The following MIOS variants were observed in gnomAD, a reference collection of about 807,000 sequenced individuals.
MIOS encodes GATOR2 complex protein MIOS.
In MIOS, 52 loss-of-function variants were observed where a neutral mutation model predicts 96.9. The observed-to-expected ratio is 0.54, with a 90% CI of 0.43 to 0.68. The LOEUF is 0.68. MIOS is among the 30% of genes least tolerant of loss of function. The probability of loss-of-function intolerance (pLI) is 0.00; values close to 1 mark genes in which losing one functional copy is unlikely to be tolerated. For synonymous variants in MIOS, 397 were observed against 359.5 expected, an observed-to-expected ratio of 1.10 and a Z score of -1.18; for missense variants, 1,005 against 1,052.8, an observed-to-expected ratio of 0.95 and a Z score of 0.63.
At chr7:7,602,951 G>C (rs1463277794) in intron 11 of MIOS, among the ~76,000 whole-genome samples, 114 of 152,050 alleles carry the variant, frequency 7.5e-4, no homozygotes, top group African/African-American at 2.5e-3. Flanking sequence ...ACAAACCTGA[G>C]AAAAACAAGC....
At chr7:7,589,625 G>A (rs866288254) in intron 9 of MIOS, 62 bp downstream of exon 9, 2 of 1,526,816 alleles carry the variant, frequency 1.3e-6, no homozygotes, top group African/African-American at 1.4e-5. Flanking sequence ...TCTTTCCTCA[G>A]TTGAAAGTAA....
chr7:7,572,187 C>A lies in MIOS; in HGVS notation c.-40-249C>A, dbSNP rs1234307187. Reference sequence around the variant, plus strand: ...TAACAGTGCAATTAAGATAATTGATCATGGGAAATATAGCCAGGATGGGAT... The same window carrying A: ...TAACAGTGCAATTAAGATAATTGATAATGGGAAATATAGCCAGGATGGGAT... On this transcript the variant is annotated intron_variant, in intron 3 of 12. Coordinates refer to ENST00000340080, the MANE Select transcript of MIOS (RefSeq NM_019005.4). This position sits in a 1 kb window ranked among gnomAD's most constrained non-coding sequence, Gnocchi z 4.8. Among the ~76,000 whole-genome samples, 1 of 152,158 alleles carries A rather than the reference C, an allele frequency of 6.6e-6. No individual in the cohort carries two copies. Among genetic ancestry groups the A allele is most frequent in the Admixed American group, 6.5e-5 (1 of 15,268 alleles).
chr7:7,569,026 A>G (rs1002011577), intron 3 of MIOS, among the ~76,000 whole-genome samples: 1 of 152,180 alleles, frequency 6.6e-6, no homozygotes, highest in Non-Finnish European at 1.5e-5. Context: ...CTTACCATAG[A>G]CCATTGGTAT....
At chr7:7,578,797 A>AC (rs1783618965) in intron 5 of MIOS, among the ~76,000 whole-genome samples, 1 of 151,128 alleles carries the variant, frequency 6.6e-6, no homozygotes. Flanking sequence ...TGCAACTTCC[A>AC]CCTCCTGGGT....
chr7:7,596,540 C>T (rs1784208101), intron 11 of MIOS, 79 bp downstream of exon 11: 1 of 1,328,754 alleles, frequency 7.5e-7, no homozygotes, highest in Non-Finnish European at 1.1e-6. Context: ...AAATAAAATA[C>T]AAACTAGCTA....
chr7:7,585,891 G>A (rs1049430969), intron 7 of MIOS, 86 bp downstream of exon 7: 2 of 1,203,620 alleles, frequency 1.7e-6, no homozygotes. Flanking sequence ...AATGTCTGTT[G>A]CATAAAATAT....
intron 11 of MIOS, 24 bp from the exon 12 acceptor site, chr7:7,605,914 TAATG>T (rs779923299): frequency 9.4e-6 from 15 of 1,600,012 alleles, no homozygotes; most frequent in African/African-American, 4.0e-5. Flanking sequence ...ATGATATAGT[TAATG>T]AAGATCATTT....
In MIOS at chr7:7,590,441, G is replaced by C. The variant is rs1157348736; in HGVS notation, c.2043+878G>C. Among the ~76,000 whole-genome samples, 4 of 152,292 alleles carry C rather than the reference G, an allele frequency of 2.6e-5. No individual in the cohort carries two copies. The East Asian group carries it at 7.7e-4, about 29-fold the overall frequency. The stretch of plus-strand genomic sequence containing the variant: ...GTAGATGGCTACAGAGTGCAAATGA[G>C]TTAGTAACTTCTTACCAAGATTTAT... On this transcript the variant is annotated intron_variant, in intron 9 of 12. Coordinates refer to ENST00000340080, the MANE Select transcript of MIOS (RefSeq NM_019005.4).
At chr7:7,600,448 C>T (rs1350571786) in intron 11 of MIOS, among the ~76,000 whole-genome samples, 11 of 152,048 alleles carry the variant, frequency 7.2e-5, no homozygotes, top group African/African-American at 2.7e-4. Flanking sequence ...AGAGTTTAAA[C>T]CAACAAAGAT....
At position 7,573,580 on chromosome 7, in the gene MIOS, G is replaced by A. The variant is rs1350116030; in HGVS notation, c.1105G>A (p.Ala369Thr). 2 of 1,613,960 alleles carry A rather than the reference G, an allele frequency of 1.2e-6. No individual in the cohort carries two copies. Among genetic ancestry groups the A allele is most frequent in the Non-Finnish European group, 1.7e-6 (2 of 1,179,962 alleles). The change falls in exon 4 of 13, where the codon GCT becomes ACT. Residue 369 changes from alanine (A) to threonine (T), a missense_variant. This residue lies in a region of MIOS where 865 missense variants were observed against 887.9 expected (regional missense o/e 0.97). Transcript: ENST00000340080. This position sits in a 1 kb window ranked among gnomAD's most constrained non-coding sequence, Gnocchi z 5.0. ...AWSPITSLMW[A>T]CGRHLYECTE... is the part of the protein sequence containing the mutation. ...GAGCCCAATTACATCTTTAATGTGG[G>A]CTTGTGGTCGTCATTTATATGAATG... is the stretch of plus-strand genomic sequence containing the variant.
intron 5 of MIOS, among the ~76,000 whole-genome samples, chr7:7,579,352 A>G (rs568295990): frequency 3.5e-4 from 53 of 152,264 alleles, no homozygotes; most frequent in Non-Finnish European, 5.6e-4. Flanking sequence ...TAATATTTCT[A>G]CCTCCTAGCA....
intron 11 of MIOS, among the ~76,000 whole-genome samples, chr7:7,600,173 T>C (rs1784328825): frequency 7.4e-6 from 1 of 135,322 alleles, no homozygotes; most frequent in African/African-American, 2.8e-5. Context: ...AAAGTAAAAG[T>C]TTAAAAAAAA....
At position 7,573,363 on chromosome 7, in the gene MIOS, T is replaced by A; in HGVS notation, c.888T>A (p.Tyr296Ter). The change falls in exon 4 of 13, where the codon TAT becomes TAA. Residue 296 changes from tyrosine (Y) to a stop codon, truncating the protein, a stop_gained. Coordinates refer to ENST00000340080, the MANE Select transcript of MIOS (RefSeq NM_019005.4). LOFTEE classifies it high-confidence loss of function. This position sits in a 1 kb window ranked among gnomAD's most constrained non-coding sequence, Gnocchi z 5.0. ...GGGATAGTAATATTATTAGATTGTA[T>A]GATATGCAGCATACACCCACTCCCA... The part of the protein sequence containing the change: ...LTRDSNIIRL[Y>*]DMQHTPTPIG... The A allele has an allele frequency of 6.2e-7, 1 of 1,614,122 alleles. No homozygotes were observed. Among genetic ancestry groups the A allele is most frequent in the Non-Finnish European group, 8.5e-7 (1 of 1,179,954 alleles).
rs1331530827 is a variant in MIOS at position 7,601,151 on chromosome 7, G to A, written c.2401+4690G>A. On this transcript the variant is annotated intron_variant, in intron 11 of 12. Transcript: ENST00000340080. ...AAATTGACACCCTAACATCACAATT[G>A]AAAGAACTAGAGAAGCAAGAGCAAA... Among the ~76,000 whole-genome samples the A allele has an allele frequency of 3.9e-5, 6 of 152,098 alleles. No homozygotes were observed. In the South Asian group the frequency reaches 1.2e-3, roughly 32 times the overall value.
At chr7:7,605,794 C>T (rs1784512962) in intron 11 of MIOS, 148 bp from the exon 12 acceptor site, 1 of 679,660 alleles carries the variant, frequency 1.5e-6, no homozygotes, top group Non-Finnish European at 2.2e-6. Flanking sequence ...AGTTTCGCTT[C>T]ATCTAAACTA....
At chr7:7,575,326 G>A (rs756085083) in intron 5 of MIOS, among the ~76,000 whole-genome samples, 5 of 151,868 alleles carry the variant, frequency 3.3e-5, no homozygotes, top group South Asian at 2.1e-4. Flanking sequence ...TTTTTTTAAC[G>A]TCTTTCAAAT....
At chr7:7,595,566 T>C (rs1784180615) in intron 10 of MIOS, among the ~76,000 whole-genome samples, 2 of 152,236 alleles carry the variant, frequency 1.3e-5, no homozygotes, top group African/African-American at 4.8e-5. Flanking sequence ...AATGAGATTG[T>C]TGTCACATAA....
chr7:7,608,177 C>A lies in MIOS; in HGVS notation c.*1085C>A, dbSNP rs1310560763. ...CTTTATTTAAAACATTTTTTTTTCTCATTTCATAGCTAGATAGTTGTAAGA... is the reference window on the plus strand; with the variant it reads ...CTTTATTTAAAACATTTTTTTTTCTAATTTCATAGCTAGATAGTTGTAAGA... On this transcript the variant is annotated 3_prime_UTR_variant, in exon 13 of 13. Coordinates refer to ENST00000340080, the MANE Select transcript of MIOS (RefSeq NM_019005.4). 1 of 145,738 alleles carries A rather than the reference C, an allele frequency of 6.9e-6. No individual in the cohort carries two copies. The highest frequency in any genetic ancestry group is 1.5e-5 in the Non-Finnish European group (1 of 66,162). 9.0% of individuals were successfully genotyped at this position (145,738 alleles called of 1,614,324 possible).
At chr7:7,568,783 C>G (rs113406204) in intron 3 of MIOS, among the ~76,000 whole-genome samples, 2 of 152,198 alleles carry the variant, frequency 1.3e-5, no homozygotes, top group African/African-American at 4.8e-5. Flanking sequence ...CTTCACTTTA[C>G]TCCTTTGTGA....
Sources: gnomAD v4.1 joint callset for allele counts (sites outside exome capture counted in the v4.1 genomes callset) on GRCh38, gnomAD v4.1.1 for gene constraint, gnomAD v4.1.1 regional missense constraint, Gnocchi (gnomAD v3.1) non-coding constraint, MANE v1.5 for transcripts, NCBI Gene and HGNC (gene_info 2026-07-23, HGNC 2026-07-21) for gene names.